Variants in LBR observed in about 807,000 individuals in gnomAD.
LBR encodes delta(14)-sterol reductase LBR.
In LBR, 28 loss-of-function variants were observed where a neutral mutation model predicts 74.3. The ratio of observed to expected loss-of-function variants is 0.38; its 90% CI spans 0.28 to 0.52. The LOEUF is 0.52. LBR is among the 20% of genes least tolerant of loss of function. LBR has a pLI of 0.89. For missense variants in LBR, 717 were observed against 760.3 expected, an observed-to-expected ratio of 0.94 and a Z score of 0.67; for synonymous variants, 228 against 269.3, an observed-to-expected ratio of 0.85 and a Z score of 1.50.
At chr1:225,414,168 A>T in intron 7 of LBR, 3 of 456,584 alleles carry the variant, frequency 6.6e-6, no homozygotes, top group South Asian at 4.6e-5. Flanking sequence ...GATAAGTATT[A>T]AGCACCCACC....
At chr1:225,424,669 C>T (rs2096135773) in intron 1 of LBR, among the ~76,000 whole-genome samples, 1 of 152,196 alleles carries the variant, frequency 6.6e-6, no homozygotes, top group Non-Finnish European at 1.5e-5. Flanking sequence ...GCCAACCACC[C>T]ACCTAAGCCA....
chr1:225,425,027 T>C (rs1215687951), intron 1 of LBR, among the ~76,000 whole-genome samples: 4 of 152,222 alleles, frequency 2.6e-5, no homozygotes, highest in Admixed American at 1.3e-4. Flanking sequence ...AGGACAGATA[T>C]GAGCTGTCTC....
rs771978618 is a variant in LBR, at chr1:225,418,157, G to A, written c.664C>T (p.Leu222=). The A allele has an allele frequency of 4.1e-5, 66 of 1,613,828 alleles. No individual in the cohort carries two copies. The highest frequency in any genetic ancestry group is 5.3e-5 in the Non-Finnish European group (63 of 1,179,888). Residue 222 remains leucine, a synonymous_variant, in exon 6 of 14, where the codon CTG becomes TTG. Coordinates refer to ENST00000272163, the MANE Select transcript of LBR (RefSeq NM_002296.4). The part of the protein sequence containing the change: ...VPGVFLIMFG[L]PVFLFLLLLM... ...AGCAACAGGAAGAGGAACACAGGCA[G>A]GCCAAACATGATGAGAAACACACCT...
chr1:225,406,693 G>A lies in LBR; in HGVS notation c.1454C>T (p.Pro485Leu). The A allele has an allele frequency of 6.2e-7, 1 of 1,613,548 alleles. No homozygotes were observed. Among genetic ancestry groups the A allele is most frequent in the Non-Finnish European group, 8.5e-7 (1 of 1,179,846 alleles). ...CAGAACAATAATTAGAGAAGCCATT[G>A]GCCAAGACACTTCATTTGGATGACT... ...LVSHPNEVSW[P>L]MASLIIVLKL... Residue 485 changes from proline to leucine, a missense_variant, in exon 11 of 14, where the codon CCA (proline) becomes CTA (leucine). Coordinates refer to ENST00000272163, the MANE Select transcript of LBR (RefSeq NM_002296.4).
At chr1:225,413,162 A>T (rs1364296296) in intron 7 of LBR, among the ~76,000 whole-genome samples, 2 of 152,240 alleles carry the variant, frequency 1.3e-5, no homozygotes, top group Non-Finnish European at 2.9e-5. Flanking sequence ...AAACTCTATC[A>T]TCCAGAACAG....
intron 11 of LBR, among the ~76,000 whole-genome samples, chr1:225,405,055 T>C (rs868253614): frequency 5.9e-5 from 9 of 152,216 alleles, no homozygotes; most frequent in South Asian, 2.1e-4. Context: ...AAATCTAAGA[T>C]AGCCTACATT....
At chr1:225,428,451 A>G (rs1207225653), upstream of LBR, among the ~76,000 whole-genome samples, 2 of 152,124 alleles carry the variant, frequency 1.3e-5, no homozygotes, top group African/African-American at 4.8e-5. Context: ...TTAAGCTACA[A>G]AGAAAACTAA....
chr1:225,422,286 G>C lies in LBR; in HGVS notation c.166-9C>G. ...CTAAAGGAAGTTAAAGGCTAGAAAGGGGGAAGAAGGCAAAGAGCTTTACCA... is the reference window on the plus strand; with the variant it reads ...CTAAAGGAAGTTAAAGGCTAGAAAGCGGGAAGAAGGCAAAGAGCTTTACCA... On this transcript the variant is annotated splice_polypyrimidine_tract_variant and intron_variant, in intron 2 of 13. Coordinates refer to ENST00000272163, the MANE Select transcript of LBR (RefSeq NM_002296.4). The C allele has an allele frequency of 6.2e-7, 1 of 1,609,930 alleles. No homozygotes were observed. Among genetic ancestry groups the C allele is most frequent in the South Asian group, 1.1e-5 (1 of 90,896 alleles).
chr1:225,426,448 C>A lies in LBR; in HGVS notation c.-15+1506G>T, dbSNP rs558459078. Among the ~76,000 whole-genome samples, 110 of 152,362 alleles carry A rather than the reference C, an allele frequency of 7.2e-4. 1 individual carries two copies. In the South Asian group the frequency reaches 0.022, roughly 31 times the overall value. Reference sequence around the variant, plus strand: ...TTTTGTTCACTGCACCCAATGTCCTCATTCGCCATAAACAGGAAAAACACG... The same window carrying A: ...TTTTGTTCACTGCACCCAATGTCCTAATTCGCCATAAACAGGAAAAACACG... On this transcript the variant is annotated intron_variant, in intron 1 of 13. Coordinates refer to ENST00000272163, the MANE Select transcript of LBR (RefSeq NM_002296.4).
chr1:225,402,946 G>A lies in LBR; in HGVS notation c.*357C>T. Reference sequence around the variant, plus strand: ...GTTTTCATTTAAGAAAAGCCAACTGGCAAAAAAACATCAAAATTTGAAAAG... The same window carrying A: ...GTTTTCATTTAAGAAAAGCCAACTGACAAAAAAACATCAAAATTTGAAAAG... On this transcript the variant is annotated 3_prime_UTR_variant, in exon 14 of 14. Coordinates refer to ENST00000272163, the MANE Select transcript of LBR (RefSeq NM_002296.4). 5.2e-6 allele frequency: 1 copy of A among 192,874 alleles called. No homozygotes were observed. The highest frequency in any genetic ancestry group is 1.1e-5 in the Non-Finnish European group (1 of 93,094). 11.9% of individuals were successfully genotyped at this position (192,874 alleles called of 1,614,324 possible).
At chr1:225,417,519 A>C (rs2096119638) in intron 6 of LBR, 1 of 152,862 alleles carries the variant, frequency 6.5e-6, no homozygotes, top group Non-Finnish European at 1.5e-5. Context: ...TACTTTTTTA[A>C]AGTAAAAGAT....
chr1:225,416,707 T>A (rs1230937659), intron 6 of LBR, among the ~76,000 whole-genome samples: 1 of 152,162 alleles, frequency 6.6e-6, no homozygotes, highest in East Asian at 1.9e-4. Context: ...ACCAACCAGA[T>A]CCAAAATATT....
At chr1:225,417,653 T>G (rs916059341) in intron 6 of LBR, 3 of 234,398 alleles carry the variant, frequency 1.3e-5, no homozygotes, top group African/African-American at 6.8e-5. Context: ...GTCGGCTACT[T>G]TGCAAAATAG....
chr1:225,403,623 A>G (rs1018000568), intron 13 of LBR, among the ~76,000 whole-genome samples, 160 bp from the exon 14 acceptor site: 1 of 152,230 alleles, frequency 6.6e-6, no homozygotes, highest in African/African-American at 2.4e-5. Flanking sequence ...ATCCCACTGG[A>G]AAGTGGCAGA....
At chr1:225,424,226 A>G in intron 1 of LBR, 137 bp from the exon 2 acceptor site, 1 of 745,784 alleles carries the variant, frequency 1.3e-6, no homozygotes, top group South Asian at 1.5e-5. Flanking sequence ...GGCTACATTC[A>G]ATCTCATTTG....
chr1:225,415,886 T>G (rs1030035259), intron 6 of LBR, among the ~76,000 whole-genome samples: 1 of 152,160 alleles, frequency 6.6e-6, no homozygotes, highest in South Asian at 2.1e-4. Flanking sequence ...AACCATTTCA[T>G]GTGATTCTTT....
rs532068854 is a variant in LBR, at chr1:225,412,589, C to G, written c.949G>C (p.Val317Leu). ...TGACTGTACACGTAATGAAACTCTA[C>G]GCCCTGGAAGAGAGATGTTCCGATG... ...AVIGTSLFQG[V>L]EFHYVYSHFL... The change falls in exon 8 of 14, where the codon GTA becomes CTA. Residue 317 changes from valine (V) to leucine (L), a missense_variant. Val to Leu is a conservative substitution (Grantham distance 32). Transcript: ENST00000272163. 1 of 1,612,736 alleles carries G rather than the reference C, an allele frequency of 6.2e-7. No individual in the cohort carries two copies. Among genetic ancestry groups the G allele is most frequent in the East Asian group, 2.2e-5 (1 of 44,836 alleles).
At position 225,404,714 on chromosome 1, in the gene LBR, T is replaced by G; in HGVS notation, c.1484-8A>C. 1 of 1,569,930 alleles carries G rather than the reference T, an allele frequency of 6.4e-7. No homozygotes were observed. Among genetic ancestry groups the G allele is most frequent in the Non-Finnish European group, 8.8e-7 (1 of 1,141,626 alleles). ...AGATTACATAACCACAAACTGCAAT[T>G]TTAAAATATTTTCCTATGTTAATAA... On this transcript the variant is annotated splice_polypyrimidine_tract_variant and splice_region_variant and intron_variant, in intron 11 of 13. Coordinates refer to ENST00000272163, the MANE Select transcript of LBR (RefSeq NM_002296.4).
intron 1 of LBR, among the ~76,000 whole-genome samples, chr1:225,424,755 C>A (rs1186046146): frequency 1.3e-5 from 2 of 152,194 alleles, no homozygotes; most frequent in African/African-American, 4.8e-5. Flanking sequence ...ACATTCTTTT[C>A]CTCTGATTCA....
Sources: allele counts gnomAD v4.1 joint callset (sites outside exome capture counted in the v4.1 genomes callset), GRCh38; gene constraint gnomAD v4.1.1; transcripts MANE v1.5; gene names NCBI Gene and HGNC (gene_info 2026-07-23, HGNC 2026-07-21).